Variants in SUGCT observed in about 807,000 individuals in gnomAD.
SUGCT encodes succinyl-CoA:glutarate CoA-transferase.
In SUGCT, 41 loss-of-function variants were observed where a neutral mutation model predicts 55.0. That is an observed-to-expected ratio of 0.74 (90% CI 0.58 to 0.97). The LOEUF (loss-of-function observed/expected upper bound fraction) is 0.97, where lower values mean the gene tolerates loss of function less well. Ranked by LOEUF, SUGCT falls within the 50% of genes least tolerant of loss-of-function variation. The pLI is 0.00. For missense variants in SUGCT, 568 were observed against 547.8 expected, an observed-to-expected ratio of 1.04 and a Z score of -0.37; for synonymous variants, 187 against 200.4, an observed-to-expected ratio of 0.93 and a Z score of 0.56.
intron 9 of SUGCT, among the ~76,000 whole-genome samples, chr7:40,332,962 A>G (rs1339611191): frequency 6.6e-6 from 1 of 152,182 alleles, no homozygotes; most frequent in African/African-American, 2.4e-5. Flanking sequence ...TCATCCATCC[A>G]TCTAGACAGC....
At chr7:40,169,316 C>T (rs777726539) in intron 1 of SUGCT, among the ~76,000 whole-genome samples, 1 of 152,028 alleles carries the variant, frequency 6.6e-6, no homozygotes, top group Non-Finnish European at 1.5e-5. Flanking sequence ...CCTAGGACCC[C>T]TAGGATAGTG....
At chr7:40,190,185 G>A (rs1414526740) in intron 5 of SUGCT, among the ~76,000 whole-genome samples, 1 of 152,186 alleles carries the variant, frequency 6.6e-6, no homozygotes, top group East Asian at 1.9e-4. Context: ...TATGACCTCA[G>A]ACAGGTTACA....
intron 6 of SUGCT, among the ~76,000 whole-genome samples, chr7:40,229,193 T>G (rs1788565674): frequency 6.6e-6 from 1 of 152,176 alleles, no homozygotes; most frequent in Non-Finnish European, 1.5e-5. Flanking sequence ...ATTCTAGGCC[T>G]TTTTAGTGGA....
chr7:40,754,661 G>A (rs1018682556), intron 13 of SUGCT, among the ~76,000 whole-genome samples: 1 of 152,196 alleles, frequency 6.6e-6, no homozygotes, highest in East Asian at 1.9e-4. Context: ...CACTTAGTGT[G>A]TAGGCTGAGG....
chr7:40,975,779 A>G, the SUGCT span, among the ~76,000 whole-genome samples: 1 of 152,234 alleles, frequency 6.6e-6, no homozygotes, highest in African/African-American at 2.4e-5. Flanking sequence ...AAGGCAAGGA[A>G]GAACTGGGTT....
chr7:40,756,404 T>G (rs2128717433), intron 13 of SUGCT, among the ~76,000 whole-genome samples: 1 of 152,352 alleles, frequency 6.6e-6, no homozygotes, highest in African/African-American at 2.4e-5. Flanking sequence ...ACTTATTTAG[T>G]TAGTTTTCAA....
Position 40,241,959 on chromosome 7 carries a change from G to A in SUGCT, c.576+4233G>A, listed in dbSNP as rs545322400. Among the ~76,000 whole-genome samples the A allele has an allele frequency of 5.1e-4, 77 of 151,218 alleles. 1 individual carries two copies. The highest frequency in any genetic ancestry group is 3.7e-3 in the Admixed American group (56 of 15,150). ...AACCGTCTTTATCATGTGATTTTGGGTAAACTAATTACTGTTGACCTTTAC... is the reference window on the plus strand; with the variant it reads ...AACCGTCTTTATCATGTGATTTTGGATAAACTAATTACTGTTGACCTTTAC... On this transcript the variant is annotated intron_variant, in intron 7 of 13. Transcript: ENST00000335693.
intron 6 of SUGCT, among the ~76,000 whole-genome samples, chr7:40,201,482 T>A (rs981577447): frequency 2.0e-4 from 30 of 152,198 alleles, no homozygotes; most frequent in Non-Finnish European, 3.5e-4. Flanking sequence ...TGTTGCACCC[T>A]CTTATATCAG....
the SUGCT span, among the ~76,000 whole-genome samples, chr7:41,032,179 C>T: frequency 2.0e-5 from 3 of 152,154 alleles, no homozygotes; most frequent in Non-Finnish European, 2.9e-5. Context: ...GAATTATCTT[C>T]CCCAGATAGG....
intron 6 of SUGCT, among the ~76,000 whole-genome samples, chr7:40,236,324 T>C (rs1054167952): frequency 6.6e-6 from 1 of 151,554 alleles, no homozygotes; most frequent in African/African-American, 2.4e-5. Context: ...AGTCCTGGGA[T>C]TATAGGCGTG....
chr7:40,655,156 C>T (rs964812718), intron 12 of SUGCT, among the ~76,000 whole-genome samples: 4 of 151,934 alleles, frequency 2.6e-5, no homozygotes, highest in Admixed American at 6.6e-5. Flanking sequence ...TAGCTGAGTG[C>T]GGTGGCGTGT....
chr7:40,265,870 G>T (rs934808487), intron 7 of SUGCT, among the ~76,000 whole-genome samples: 7 of 152,122 alleles, frequency 4.6e-5, no homozygotes, highest in African/African-American at 1.7e-4. Context: ...AGAATCGCTT[G>T]AACCTAGGAG....
At chr7:40,328,713 A>ATGTGTATGTGTG (rs369371771) in intron 9 of SUGCT, among the ~76,000 whole-genome samples, 1 of 151,834 alleles carries the variant, frequency 6.6e-6, no homozygotes, top group Non-Finnish European at 1.5e-5. Flanking sequence ...GGTTTTGTAC[A>ATGTGTATGTGTG]TGTGTATGTG....
At chr7:40,480,143 C>T (rs1304795) in intron 11 of SUGCT, among the ~76,000 whole-genome samples, 1 of 151,798 alleles carries the variant, frequency 6.6e-6, no homozygotes, top group Non-Finnish European at 1.5e-5. Flanking sequence ...TTAGTTATAT[C>T]GTTTTATGTC....
chr7:40,984,455 C>T, the SUGCT span, among the ~76,000 whole-genome samples: 1 of 152,052 alleles, frequency 6.6e-6, no homozygotes, highest in Non-Finnish European at 1.5e-5. Flanking sequence ...GGTGATGAAG[C>T]CAGACTGATC....
At chr7:40,957,023 G>A in the SUGCT span, among the ~76,000 whole-genome samples, 4 of 152,114 alleles carry the variant, frequency 2.6e-5, no homozygotes, top group African/African-American at 9.7e-5. Flanking sequence ...TTGTTAAGGA[G>A]TGTTTTACTT....
intron 11 of SUGCT, among the ~76,000 whole-genome samples, chr7:40,462,568 C>T (rs181648282): frequency 2.0e-5 from 3 of 152,144 alleles, no homozygotes; most frequent in Non-Finnish European, 4.4e-5. Context: ...ATTTCAGCAA[C>T]GTGGAGTCAG....
intron 9 of SUGCT, among the ~76,000 whole-genome samples, chr7:40,391,600 G>A (rs1211178426): frequency 6.6e-6 from 1 of 151,828 alleles, no homozygotes; most frequent in Non-Finnish European, 1.5e-5. Context: ...TCTCACACCA[G>A]TTCGAATAGT....
At chr7:40,813,849 C>G (rs1791540841) in intron 13 of SUGCT, among the ~76,000 whole-genome samples, 1 of 152,086 alleles carries the variant, frequency 6.6e-6, no homozygotes, top group South Asian at 2.1e-4. Context: ...TTTGTGGTAG[C>G]AGTTTTCATT....
Sources: gnomAD v4.1 joint callset for allele counts (sites outside exome capture counted in the v4.1 genomes callset) on GRCh38, gnomAD v4.1.1 for gene constraint, MANE v1.5 for transcripts, NCBI Gene and HGNC (gene_info 2026-07-23, HGNC 2026-07-21) for gene names.